Variants in TSPAN12 observed in about 807,000 individuals in gnomAD.
TSPAN12 encodes tetraspanin-12.
TSPAN12 carries 19 observed loss-of-function variants against 39.2 expected under a neutral mutation model. The observed-to-expected ratio is 0.49, with a 90% CI of 0.34 to 0.71. The LOEUF is 0.71. Ranked by LOEUF, TSPAN12 falls within the 30% of genes least tolerant of loss-of-function variation. TSPAN12 has a pLI of 0.01. For synonymous variants in TSPAN12, 119 were observed against 124.8 expected (o/e 0.95, Z 0.31); for missense variants, 314 against 359.9 (o/e 0.87, Z 1.03).
intron 4 of TSPAN12, among the ~76,000 whole-genome samples, chr7:120,835,390 T>C (rs761795560): frequency 3.3e-5 from 5 of 152,122 alleles, no homozygotes; most frequent in Non-Finnish European, 7.4e-5. Flanking sequence ...AGGTTTAAAA[T>C]GAAAATGTTT....
intron 5 of TSPAN12, among the ~76,000 whole-genome samples, chr7:120,811,517 A>T (rs879934225): frequency 7.9e-5 from 12 of 151,960 alleles, no homozygotes; most frequent in Non-Finnish European, 1.6e-4. Context: ...AAATACAAAA[A>T]AAAATTAGCC....
chr7:120,840,030 G>T lies in TSPAN12; in HGVS notation c.146C>A (p.Thr49Lys), dbSNP rs538591733. 6.2e-7 allele frequency: 1 copy of T among 1,609,934 alleles called. No individual in the cohort carries two copies. Among genetic ancestry groups the T allele is most frequent in the Admixed American group, 1.7e-5 (1 of 59,992 alleles). ...AATCAATAATTATAAAGTATACCTC[G>T]TTTCTGCAGTTAAAGTGAGAACATT... Reference protein sequence around the residue: ...LNNVLTLTAETRVEEAVILTY... With the variant: ...LNNVLTLTAEKRVEEAVILTY... The change falls in exon 3 of 8, where the codon ACG becomes AAG. Residue 49 changes from threonine to lysine, a missense_variant. Coordinates refer to ENST00000222747, the MANE Select transcript of TSPAN12 (RefSeq NM_012338.4).
chr7:120,819,239 C>T (rs1794142538), intron 4 of TSPAN12, among the ~76,000 whole-genome samples: 1 of 152,070 alleles, frequency 6.6e-6, no homozygotes, highest in Non-Finnish European at 1.5e-5. Flanking sequence ...ACAGGAAATG[C>T]CCTGACTTTG....
chr7:120,792,683 C>A (rs1793554266), intron 7 of TSPAN12, among the ~76,000 whole-genome samples: 1 of 152,198 alleles, frequency 6.6e-6, no homozygotes, highest in Non-Finnish European at 1.5e-5. Context: ...TGAGTAGAAA[C>A]TTCAATGACC....
At chr7:120,793,210 T>C (rs1793566869) in intron 7 of TSPAN12, among the ~76,000 whole-genome samples, 2 of 152,256 alleles carry the variant, frequency 1.3e-5, no homozygotes, top group Admixed American at 1.3e-4. Flanking sequence ...CTGTGTTGAT[T>C]CTGTCAATGT....
At chr7:120,814,488 A>G (rs2116383905) in intron 5 of TSPAN12, among the ~76,000 whole-genome samples, 1 of 152,258 alleles carries the variant, frequency 6.6e-6, no homozygotes, top group Middle Eastern at 3.4e-3. Flanking sequence ...GAAAATCACC[A>G]TTTTACTAAA....
At position 120,808,706 on chromosome 7, in the gene TSPAN12, T is replaced by C. The variant is rs539811706; in HGVS notation, c.468+1757A>G. Reference sequence around the variant, plus strand: ...AACGTCACTGGGGCTTAAGTGAGAGTCCGCTAAGTTGCGGTATGTGCATAG... The same window carrying C: ...AACGTCACTGGGGCTTAAGTGAGAGCCCGCTAAGTTGCGGTATGTGCATAG... On this transcript the variant is annotated intron_variant, in intron 6 of 7. Transcript: ENST00000222747. 5.3e-5 allele frequency among the ~76,000 whole-genome samples: 8 copies of C among 152,234 alleles called. No homozygotes were observed. In the South Asian group the frequency reaches 1.5e-3, roughly 28 times the overall value.
chr7:120,854,942 A>C (rs533965532), intron 2 of TSPAN12, among the ~76,000 whole-genome samples: 18 of 152,280 alleles, frequency 1.2e-4, no homozygotes, highest in African/African-American at 4.1e-4. Context: ...CAAACATAGA[A>C]AGTTAGAAGG....
At chr7:120,821,861 C>T (rs940182570) in intron 4 of TSPAN12, among the ~76,000 whole-genome samples, 1 of 152,102 alleles carries the variant, frequency 6.6e-6, no homozygotes, top group African/African-American at 2.4e-5. Context: ...AGTGTCACCC[C>T]CACAAAAGGG....
intron 2 of TSPAN12, among the ~76,000 whole-genome samples, chr7:120,843,858 G>C (rs1270078280): frequency 6.6e-6 from 1 of 152,084 alleles, no homozygotes; most frequent in Non-Finnish European, 1.5e-5. Context: ...GCTATATGTG[G>C]GTCCTTAAAA....
Position 120,815,889 on chromosome 7 carries a change from T to C in TSPAN12, c.286-86A>G, listed in dbSNP as rs1794071191. 3 of 1,266,470 alleles carry C rather than the reference T, an allele frequency of 2.4e-6. No individual in the cohort carries two copies. The Admixed American group carries it at 6.0e-5, about 25-fold the overall frequency. The allele number at this position is 1,266,470 out of a possible 1,614,324, so 78.5% of individuals were successfully genotyped here. The stretch of plus-strand genomic sequence containing the variant: ...CAGACTTGGTATTATGTTTACCTAG[T>C]GACCAAGAAAACAGAGGCAAGTTTT... On this transcript the variant is annotated intron_variant, in intron 4 of 7. Coordinates refer to ENST00000222747, the MANE Select transcript of TSPAN12 (RefSeq NM_012338.4).
chr7:120,830,826 T>C (rs1320750198), intron 4 of TSPAN12, among the ~76,000 whole-genome samples: 2 of 151,974 alleles, frequency 1.3e-5, no homozygotes, highest in Admixed American at 6.6e-5. Context: ...AGCTTCTGCA[T>C]AGCAAAAGAA....
At chr7:120,853,884 A>AAAAAG (rs1239308495) in intron 2 of TSPAN12, among the ~76,000 whole-genome samples, 46 of 147,810 alleles carry the variant, frequency 3.1e-4, no homozygotes, top group Non-Finnish European at 3.1e-4. Context: ...AAAAAAAAAA[A>AAAAAG]AAAAGAAAAG....
Position 120,788,637 on chromosome 7 carries a change from G to A in TSPAN12, c.873C>T (p.Ser291=), listed in dbSNP as rs756516565. 11 of 1,614,076 alleles carry A rather than the reference G, an allele frequency of 6.8e-6. No homozygotes were observed. The South Asian group carries it at 1.2e-4, about 18-fold the overall frequency. The change falls in exon 8 of 8, where the codon TCC becomes TCT. Residue 291 remains serine, a synonymous_variant. Transcript: ENST00000222747. ...AGTGTGTATTAAAGCTGTTTGCCAT[G>A]GATGTGTGTTCAAAGATTCTTGACA... ...PSLSRIFEHT[S]MANSFNTHFE... is the part of the protein sequence containing the mutation.
chr7:120,829,652 C>T (rs967328347), intron 4 of TSPAN12, among the ~76,000 whole-genome samples: 3 of 152,250 alleles, frequency 2.0e-5, no homozygotes, highest in East Asian at 3.9e-4. Context: ...AGGAAGCATT[C>T]GCTGAATTGG....
chr7:120,838,945 A>G lies in TSPAN12; in HGVS notation c.150-33T>C, dbSNP rs374709391. 3 of 1,610,186 alleles carry G rather than the reference A, an allele frequency of 1.9e-6. No individual in the cohort carries two copies. The African/African-American group carries it at 4.0e-5, about 22-fold the overall frequency. ...AAGAAAAATAATGTATTAGAAAGAA[A>G]ATATAATCAAAATGCACCCAAGACA... On this transcript the variant is annotated intron_variant, in intron 3 of 7. Coordinates refer to ENST00000222747, the MANE Select transcript of TSPAN12 (RefSeq NM_012338.4).
At chr7:120,828,842 G>C (rs1279545659) in intron 4 of TSPAN12, among the ~76,000 whole-genome samples, 1 of 151,678 alleles carries the variant, frequency 6.6e-6, no homozygotes, top group East Asian at 1.9e-4. Context: ...TTAAATGCTT[G>C]TTTACTGGAA....
intron 4 of TSPAN12, among the ~76,000 whole-genome samples, chr7:120,817,538 T>C (rs1445230349): frequency 6.6e-6 from 1 of 152,192 alleles, no homozygotes; most frequent in East Asian, 1.9e-4. Flanking sequence ...GTGAAACAGA[T>C]AAGGCTACCT....
chr7:120,806,124 T>C (rs766990516), intron 7 of TSPAN12, among the ~76,000 whole-genome samples: 1 of 152,004 alleles, frequency 6.6e-6, no homozygotes, highest in Non-Finnish European at 1.5e-5. Context: ...GCATTTTCTT[T>C]GGAGAGGTTC....
Sources: gnomAD v4.1 joint callset for allele counts (sites outside exome capture counted in the v4.1 genomes callset) on GRCh38, gnomAD v4.1.1 for gene constraint, MANE v1.5 for transcripts, NCBI Gene and HGNC (gene_info 2026-07-23, HGNC 2026-07-21) for gene names.